CASP6: variants seen among roughly 807,000 people sequenced by gnomAD.
CASP6 encodes caspase-6.
A neutral mutation model predicts 31.8 loss-of-function variants in CASP6; 20 were observed. The ratio of observed to expected loss-of-function variants is 0.63; its 90% CI spans 0.44 to 0.91. CASP6 has a LOEUF of 0.91. Among genes scored for constraint, CASP6 ranks in the 40% least tolerant of loss-of-function variants. The pLI is 0.00. For missense variants in CASP6, 328 were observed against 361.1 expected, an observed-to-expected ratio of 0.91 and a Z score of 0.74; for synonymous variants, 130 against 127.8, an observed-to-expected ratio of 1.02 and a Z score of -0.12.
downstream of CASP6, among the ~76,000 whole-genome samples, chr4:109,686,220 C>T (rs941023125): frequency 5.3e-5 from 8 of 152,148 alleles, no homozygotes; most frequent in Non-Finnish European, 1.5e-5. Flanking sequence ...TCACTGCAAC[C>T]TCCGCCTCCT....
At chr4:109,695,942 C>T (rs1371568032) in intron 4 of CASP6, among the ~76,000 whole-genome samples, 1 of 152,070 alleles carries the variant, frequency 6.6e-6, no homozygotes, top group Non-Finnish European at 1.5e-5. Flanking sequence ...TAATGGTTGG[C>T]ATGCAGCGAT....
Position 109,698,360 on chromosome 4 carries a change from T to G in CASP6, c.41-18A>C. 6.2e-7 allele frequency: 1 copy of G among 1,605,852 alleles called. No homozygotes were observed. The highest frequency in any genetic ancestry group is 8.5e-7 in the Non-Finnish European group (1 of 1,176,042). On this transcript the variant is annotated intron_variant, in intron 1 of 6. Coordinates refer to ENST00000265164, the MANE Select transcript of CASP6 (RefSeq NM_001226.4). ...TTCCCCACCTATTAAAAAAAGTTGA[T>G]TTTTGTTAATTATTTTTTACTTATG... is the stretch of plus-strand genomic sequence containing the variant.
the CASP6 span, among the ~76,000 whole-genome samples, chr4:109,679,403 C>G: frequency 2.0e-5 from 3 of 152,144 alleles, no homozygotes; most frequent in African/African-American, 4.8e-5. Context: ...CCCAGCACCT[C>G]GGGAGGCCGA....
chr4:109,696,597 T>G (rs1178944647), intron 3 of CASP6, 111 bp from the exon 4 acceptor site: 10 of 647,208 alleles, frequency 1.5e-5, no homozygotes, highest in Non-Finnish European at 2.6e-5. Context: ...TTGCTTTCTT[T>G]AGGAGAAAAG....
rs757730627 is a variant in CASP6 at position 109,689,352 on chromosome 4, T to C, written c.860A>G (p.His287Arg). The change falls in exon 7 of 7, where the codon CAT becomes CGT. Residue 287 changes from histidine (H) to arginine (R), a missense_variant. His to Arg is a conservative substitution (Grantham distance 29). Transcript: ENST00000265164. The stretch of plus-strand genomic sequence containing the variant: ...TAATTAATTAGATTTTGGAAAGAAA[T>C]GCAGCTTTTTAGTTAGCATTGAGGC... ...CFASMLTKKL[H>R]FFPKSN 2 of 1,613,972 alleles carry C rather than the reference T, an allele frequency of 1.2e-6. No homozygotes were observed. Among genetic ancestry groups the C allele is most frequent in the South Asian group, 1.1e-5 (1 of 91,080 alleles).
At chr4:109,690,001 A>C (rs1729985672) in intron 6 of CASP6, among the ~76,000 whole-genome samples, 1 of 151,838 alleles carries the variant, frequency 6.6e-6, no homozygotes, top group African/African-American at 2.4e-5. Context: ...CCTGGCCAAC[A>C]TGGTGAAACC....
upstream of CASP6, among the ~76,000 whole-genome samples, chr4:109,705,993 AAAAAAAAAATATATATATATATAT>A (rs1459227863): frequency 4.4e-5 from 3 of 67,874 alleles, no homozygotes; most frequent in African/African-American, 2.4e-4. Flanking sequence ...AAAAAAAAAA[AAAAAAAAAATATATATATATATAT>A]ATATATATAT....
chr4:109,673,424 T>A, the CASP6 span, among the ~76,000 whole-genome samples: 1 of 152,182 alleles, frequency 6.6e-6, no homozygotes, highest in East Asian at 1.9e-4. Flanking sequence ...TGTGTTGGGA[T>A]TGAACTCCTA....
downstream of CASP6, chr4:109,684,884 A>C (rs1729802196): frequency 2.3e-6 from 1 of 441,088 alleles, no homozygotes; most frequent in Non-Finnish European, 4.0e-6. Flanking sequence ...ATTGGGATAA[A>C]TATGTGTTCT....
chr4:109,698,905 A>G (rs1280164376), intron 1 of CASP6, among the ~76,000 whole-genome samples: 3 of 152,180 alleles, frequency 2.0e-5, no homozygotes, highest in Admixed American at 6.5e-5. Context: ...TCCATTCTCA[A>G]CTGGACTCCC....
chr4:109,665,688 T>C, the CASP6 span, among the ~76,000 whole-genome samples: 1 of 152,220 alleles, frequency 6.6e-6, no homozygotes, highest in Non-Finnish European at 1.5e-5. Flanking sequence ...GTATTGTTAA[T>C]TTTTATTAGA....
the CASP6 span, among the ~76,000 whole-genome samples, chr4:109,667,517 T>G: frequency 6.6e-6 from 1 of 151,734 alleles, no homozygotes; most frequent in Non-Finnish European, 1.5e-5. Context: ...TTAATTGATT[T>G]TTTCCAAAGA....
intron 5 of CASP6, chr4:109,692,183 CG>C (rs1255157345): frequency 6.6e-6 from 1 of 152,162 alleles, no homozygotes; most frequent in African/African-American, 2.4e-5. Context: ...TTTTAATCTT[CG>C]TATCAGCAGG....
downstream of CASP6, chr4:109,687,407 A>T (rs900650129): frequency 4.2e-6 from 3 of 718,534 alleles, no homozygotes; most frequent in African/African-American, 3.6e-5. Flanking sequence ...TAGTTTAAAC[A>T]TTTTATTGCT....
At chr4:109,703,503 C>G (rs1730501382), upstream of CASP6, 1 of 1,419,162 alleles carries the variant, frequency 7.0e-7, no homozygotes, top group Non-Finnish European at 9.6e-7. Flanking sequence ...CCCCCTGCCC[C>G]CGAGCGTGGG....
the CASP6 span, among the ~76,000 whole-genome samples, chr4:109,679,816 T>TG: frequency 2.0e-5 from 3 of 152,102 alleles, no homozygotes; most frequent in African/African-American, 7.2e-5. Context: ...TTGTTGTTGT[T>TG]TTTGAGACAG....
At chr4:109,665,832 G>A in the CASP6 span, among the ~76,000 whole-genome samples, 1 of 151,950 alleles carries the variant, frequency 6.6e-6, no homozygotes, top group African/African-American at 2.4e-5. Flanking sequence ...GGGGCGCATG[G>A]TAGTAGGGCC....
intron 1 of CASP6, among the ~76,000 whole-genome samples, chr4:109,700,323 T>C (rs770158370): frequency 1.3e-5 from 2 of 152,232 alleles, no homozygotes; most frequent in African/African-American, 2.4e-5. Flanking sequence ...GGTTTAGGAA[T>C]GGCTAACTAG....
At chr4:109,687,618 T>C (rs1364319181), downstream of CASP6, 1 of 1,484,232 alleles carries the variant, frequency 6.7e-7, no homozygotes, top group Non-Finnish European at 9.4e-7. Flanking sequence ...TGTCGTCAGA[T>C]TTTCCATTAT....
Sources: allele counts gnomAD v4.1 joint callset (sites outside exome capture counted in the v4.1 genomes callset), GRCh38; gene constraint gnomAD v4.1.1; transcripts MANE v1.5; gene names NCBI Gene and HGNC (gene_info 2026-07-23, HGNC 2026-07-21).